Variants in SLTM observed in about 807,000 individuals in gnomAD.
SLTM encodes SAFB-like transcription modulator.
A neutral mutation model predicts 134.6 loss-of-function variants in SLTM; 43 were observed. The ratio of observed to expected loss-of-function variants is 0.32; its 90% CI spans 0.25 to 0.41. The LOEUF is 0.41. Ranked by LOEUF, SLTM falls within the 10% of genes least tolerant of loss-of-function variation. The pLI is 1.00. For missense variants in SLTM, 1,055 were observed against 1,288.8 expected (o/e 0.82, Z 2.78); for synonymous variants, 424 against 432.3 (o/e 0.98, Z 0.24).
At chr15:58,902,630 G>A (rs1203220633) in intron 5 of SLTM, among the ~76,000 whole-genome samples, 1 of 151,744 alleles carries the variant, frequency 6.6e-6, no homozygotes, top group African/African-American at 2.4e-5. Context: ...AGACTCAAGC[G>A]TTCCTCCTGC....
intron 2 of SLTM, among the ~76,000 whole-genome samples, chr15:58,924,029 G>A (rs2037290231): frequency 6.6e-6 from 1 of 151,994 alleles, no homozygotes; most frequent in Admixed American, 6.6e-5. Context: ...TGGCCAGGCT[G>A]GTCTCGAACT....
chr15:58,899,511 T>C lies in SLTM; in HGVS notation c.1016A>G (p.Lys339Arg). ...GGCCCCAGTAGACGAGGGCCCTTTCTTCAAAGTATCCTTTTCTTTGTCTCC... is the reference window on the plus strand; with the variant it reads ...GGCCCCAGTAGACGAGGGCCCTTTCCTCAAAGTATCCTTTTCTTTGTCTCC... ...ESGDKEKDTL[K>R]KGPSSTGASG... Residue 339 changes from lysine (K) to arginine (R), a missense_variant, in exon 7 of 21, where the codon AAG becomes AGG. By Grantham distance (26) the Lys-to-Arg change is conservative. Transcript: ENST00000380516. The surrounding 1 kb of genome is among the most constrained non-coding windows in gnomAD (Gnocchi z 5.0). The C allele has an allele frequency of 1.2e-6, 2 of 1,614,180 alleles. No individual in the cohort carries two copies. Among genetic ancestry groups the C allele is most frequent in the African/African-American group, 1.3e-5 (1 of 75,060 alleles).
At position 58,910,022 on chromosome 15, in the gene SLTM, T is replaced by C. The variant is rs545605620; in HGVS notation, c.561+2541A>G. Among the ~76,000 whole-genome samples, 3 of 152,326 alleles carry C rather than the reference T, an allele frequency of 2.0e-5. No homozygotes were observed. The East Asian group carries it at 5.8e-4, about 29-fold the overall frequency. Reference sequence around the variant, plus strand: ...CTGGTATCTGGATTTAAACAGCATATAATAGAGAAAAATCTACAGAAAATT... The same window carrying C: ...CTGGTATCTGGATTTAAACAGCATACAATAGAGAAAAATCTACAGAAAATT... On this transcript the variant is annotated intron_variant, in intron 5 of 20. Transcript: ENST00000380516.
intron 1 of SLTM, among the ~76,000 whole-genome samples, chr15:58,932,798 T>C (rs951535653): frequency 8.5e-5 from 13 of 152,254 alleles, no homozygotes; most frequent in Non-Finnish European, 1.9e-4. Context: ...AATGCAAACT[T>C]ACTGCTCCTC....
At chr15:58,895,885 G>A (rs759535322) in intron 9 of SLTM, among the ~76,000 whole-genome samples, 1 of 152,080 alleles carries the variant, frequency 6.6e-6, no homozygotes, top group African/African-American at 2.4e-5. Context: ...AAGAGGACAG[G>A]TTTTGGTAAT....
intron 19 of SLTM, among the ~76,000 whole-genome samples, chr15:58,884,342 CAG>C (rs1204971242): frequency 2.0e-5 from 3 of 152,018 alleles, no homozygotes; most frequent in Admixed American, 2.0e-4. Context: ...TTTTTTGAGA[CAG>C]AGTCTCGCTC....
chr15:58,933,081 C>T (rs554559811), intron 1 of SLTM, among the ~76,000 whole-genome samples: 1 of 152,282 alleles, frequency 6.6e-6, no homozygotes, highest in Non-Finnish European at 1.5e-5. Context: ...CAGCGCCTCC[C>T]AGGTCTCCGC....
chr15:58,898,872 G>A lies in SLTM; in HGVS notation c.1059-20C>T. On this transcript the variant is annotated intron_variant, in intron 7 of 20. Coordinates refer to ENST00000380516, the MANE Select transcript of SLTM (RefSeq NM_024755.4). ...GAAGAGCTAAAGAGGCAAATCACCAGAAGAAAATTGAAAACAAAAACAAAA... is the reference window on the plus strand; with the variant it reads ...GAAGAGCTAAAGAGGCAAATCACCAAAAGAAAATTGAAAACAAAAACAAAA... The A allele has an allele frequency of 6.3e-7, 1 of 1,594,198 alleles. No homozygotes were observed. Among genetic ancestry groups the A allele is most frequent in the Non-Finnish European group, 8.6e-7 (1 of 1,169,460 alleles).
In SLTM at chr15:58,899,271, G is replaced by A; in HGVS notation, c.1058+198C>T. 3 of 494,792 alleles carry A rather than the reference G, an allele frequency of 6.1e-6. No individual in the cohort carries two copies. Among genetic ancestry groups the A allele is most frequent in the Non-Finnish European group, 1.1e-5 (3 of 285,602 alleles). The allele number at this position is 494,792 out of a possible 1,614,324, so 30.7% of individuals were successfully genotyped here. A position where few individuals can be genotyped will look rare whatever the true frequency, so the allele number is the denominator to read the frequency against. On this transcript the variant is annotated intron_variant, in intron 7 of 20. Transcript: ENST00000380516. This position sits in a 1 kb window ranked among gnomAD's most constrained non-coding sequence, Gnocchi z 5.0. ...CAAATATATGCTGACATTCGACAATGCAATCAGTAGAACACACTGCATTAT... is the reference window on the plus strand; with the variant it reads ...CAAATATATGCTGACATTCGACAATACAATCAGTAGAACACACTGCATTAT...
chr15:58,897,257 G>T (rs780527022), intron 8 of SLTM, 24 bp from the exon 9 acceptor site: 7 of 1,292,396 alleles, frequency 5.4e-6, no homozygotes, highest in Non-Finnish European at 7.8e-6. Flanking sequence ...AATATCAGAT[G>T]TTTAAGTATC....
chr15:58,923,341 G>C (rs80168823), intron 2 of SLTM, among the ~76,000 whole-genome samples: 26 of 152,244 alleles, frequency 1.7e-4, no homozygotes, highest in African/African-American at 5.8e-4. Flanking sequence ...CTGGGTGACA[G>C]AGTGAGACTC....
rs2036449066 is a variant in SLTM at position 58,913,846 on chromosome 15, C to T, written c.316-150G>A. On this transcript the variant is annotated intron_variant, in intron 3 of 20. Coordinates refer to ENST00000380516, the MANE Select transcript of SLTM (RefSeq NM_024755.4). ...TCATTCATTTTACCTTATATATTTA[C>T]TGTGTCTTTAAAAATAGGTCTAATA... is the stretch of plus-strand genomic sequence containing the variant. 4 of 593,578 alleles carry T rather than the reference C, an allele frequency of 6.7e-6. No homozygotes were observed. In the East Asian group the frequency reaches 8.6e-5, roughly 13 times the overall value. The allele number at this position is 593,578 out of a possible 1,614,324, so 36.8% of individuals were successfully genotyped here.
intron 19 of SLTM, among the ~76,000 whole-genome samples, chr15:58,884,262 T>C (rs188774125): frequency 1.3e-5 from 2 of 152,302 alleles, no homozygotes; most frequent in East Asian, 3.9e-4. Context: ...TATTTTGTAG[T>C]GAGAAGCTAC....
At chr15:58,917,662 CTG>C (rs1201701986) in intron 2 of SLTM, among the ~76,000 whole-genome samples, 17 of 152,188 alleles carry the variant, frequency 1.1e-4, no homozygotes, top group African/African-American at 3.9e-4. Context: ...AGAGTGAAAA[CTG>C]TTAATAGCTT....
At chr15:58,920,415 G>C (rs747112730) in intron 2 of SLTM, among the ~76,000 whole-genome samples, 1 of 151,924 alleles carries the variant, frequency 6.6e-6, no homozygotes, top group African/African-American at 2.4e-5. Flanking sequence ...TCTGAGGTTA[G>C]GAGTTTGAGA....
At chr15:58,903,646 C>G (rs1254701246) in intron 5 of SLTM, among the ~76,000 whole-genome samples, 1 of 151,502 alleles carries the variant, frequency 6.6e-6, no homozygotes, top group African/African-American at 2.4e-5. Flanking sequence ...ATGTAACAAA[C>G]CTGCACGTTG....
chr15:58,933,437 T>G lies in SLTM; in HGVS notation c.129A>C (p.Gly43=), dbSNP rs148369451. The G allele has an allele frequency of 1.9e-6, 3 of 1,592,908 alleles. No individual in the cohort carries two copies. The highest frequency in any genetic ancestry group is 1.4e-5 in the African/African-American group (1 of 72,624). ...GTCGGGAGATGAGCACGGTCTTGAC[T>G]CCGGTGATGTCTAAGTTCCGCCGCT... ...ELKRRNLDIT[G]VKTVLISRLK... The change falls in exon 1 of 21, where the codon GGA becomes GGC. Residue 43 remains glycine (G), a synonymous_variant. Coordinates refer to ENST00000380516, the MANE Select transcript of SLTM (RefSeq NM_024755.4).
intron 2 of SLTM, among the ~76,000 whole-genome samples, chr15:58,930,002 T>G (rs1472599803): frequency 1.3e-5 from 2 of 152,338 alleles, no homozygotes; most frequent in East Asian, 3.9e-4. Flanking sequence ...TTACATTATA[T>G]TCTTTGTAAT....
At chr15:58,885,071 A>G (rs543257714) in intron 19 of SLTM, among the ~76,000 whole-genome samples, 3 of 152,388 alleles carry the variant, frequency 2.0e-5, no homozygotes, top group African/African-American at 7.2e-5. Flanking sequence ...GGCAGGGCCT[A>G]TGATCAGCCT....
Sources: allele counts gnomAD v4.1 joint callset (sites outside exome capture counted in the v4.1 genomes callset), GRCh38; gene constraint gnomAD v4.1.1; non-coding constraint Gnocchi (gnomAD v3.1); transcripts MANE v1.5; gene names NCBI Gene and HGNC (gene_info 2026-07-23, HGNC 2026-07-21).